ANAPC5: variants seen among roughly 807,000 people sequenced by gnomAD.
ANAPC5 encodes the protein anaphase-promoting complex subunit 5.
ANAPC5 carries 60 observed loss-of-function variants against 91.3 expected under a neutral mutation model. The ratio of observed to expected loss-of-function variants is 0.66; its 90% CI spans 0.53 to 0.81. The LOEUF is 0.81. Ranked by LOEUF, ANAPC5 falls within the 40% of genes least tolerant of loss-of-function variation. ANAPC5 has a pLI of 0.00. For synonymous variants in ANAPC5, 340 were observed against 364.1 expected (o/e 0.93, Z 0.75); for missense variants, 690 against 931.5 (o/e 0.74, Z 3.37).
At chr12:121,328,620 G>C in intron 9 of ANAPC5, 123 bp from the exon 10 acceptor site, 2 of 905,130 alleles carry the variant, frequency 2.2e-6, no homozygotes, top group Non-Finnish European at 3.4e-6. Context: ...TATTTAAAAG[G>C]AAAGTACCTA....
intron 15 of ANAPC5, among the ~76,000 whole-genome samples, chr12:121,315,738 C>T (rs1555271266): frequency 6.6e-6 from 1 of 152,020 alleles, no homozygotes; most frequent in Non-Finnish European, 1.5e-5. Context: ...CTAGAATAAC[C>T]TATATCCGTA....
In ANAPC5 at chr12:121,347,092, G is replaced by A. The variant is rs1903697215; in HGVS notation, c.288-87C>T. On this transcript the variant is annotated intron_variant, in intron 2 of 16. Coordinates refer to ENST00000261819, the MANE Select transcript of ANAPC5 (RefSeq NM_016237.5). The stretch of plus-strand genomic sequence containing the variant: ...ATATTCCTCAATTACCTCAAATAAT[G>A]TATTTTACAGGCAATTCAGAGATTT... The A allele has an allele frequency of 5.5e-6, 4 of 723,442 alleles. No homozygotes were observed. The South Asian group carries it at 8.7e-5, about 16-fold the overall frequency. 44.8% of individuals were successfully genotyped at this position (723,442 alleles called of 1,614,324 possible).
intron 11 of ANAPC5, among the ~76,000 whole-genome samples, chr12:121,325,585 C>T (rs1481729024): frequency 1.3e-5 from 2 of 151,498 alleles, no homozygotes; most frequent in Admixed American, 6.6e-5. Context: ...AAAATAATTT[C>T]GCCAGGCATG....
intron 4 of ANAPC5, among the ~76,000 whole-genome samples, chr12:121,344,396 C>T (rs1364406136): frequency 2.0e-5 from 3 of 151,962 alleles, no homozygotes; most frequent in East Asian, 1.9e-4. Flanking sequence ...CTGGCCAACA[C>T]AGTGAAACCC....
chr12:121,338,234 T>G (rs1278121807), intron 5 of ANAPC5, among the ~76,000 whole-genome samples: 1 of 151,952 alleles, frequency 6.6e-6, no homozygotes, highest in Non-Finnish European at 1.5e-5. Context: ...TAATAATTTC[T>G]TTAAAAAAAA....
chr12:121,309,027 T>C (rs1417724976), intron 16 of ANAPC5, among the ~76,000 whole-genome samples: 1 of 150,718 alleles, frequency 6.6e-6, no homozygotes, highest in Non-Finnish European at 1.5e-5. Flanking sequence ...CAGGCACCTG[T>C]AATCCCAGCT....
chr12:121,347,804 G>C lies in ANAPC5; in HGVS notation c.285C>G (p.Ile95Met). The C allele has an allele frequency of 6.2e-7, 1 of 1,609,084 alleles. No homozygotes were observed. The highest frequency in any genetic ancestry group is 8.5e-7 in the Non-Finnish European group (1 of 1,175,576). The change falls in exon 2 of 17, where the codon ATC becomes ATG. Residue 95 changes from isoleucine (I) to methionine (M), a missense_variant and splice_region_variant. Coordinates refer to ENST00000261819, the MANE Select transcript of ANAPC5 (RefSeq NM_016237.5). The part of the protein sequence containing the change: ...SCPQLANSVQ[I>M]RIKLMAEGEL... ...ATAAAGAAGAAAATGAAGTTTACCT[G>C]ATCTGCACTGAATTTGCCAGCTGTG...
chr12:121,345,269 T>A (rs1410117416), intron 4 of ANAPC5, among the ~76,000 whole-genome samples: 1 of 152,086 alleles, frequency 6.6e-6, no homozygotes, highest in East Asian at 1.9e-4. Context: ...TTCAATAAAT[T>A]TTCACTGAAT....
chr12:121,351,311 T>G (rs950349646), intron 1 of ANAPC5: 3 of 306,700 alleles, frequency 9.8e-6, no homozygotes, highest in Non-Finnish European at 1.9e-5. Context: ...AGGTCGAGGC[T>G]GCAGTGAGCC....
At chr12:121,350,059 T>A (rs1903824269) in intron 1 of ANAPC5, among the ~76,000 whole-genome samples, 1 of 152,048 alleles carries the variant, frequency 6.6e-6, no homozygotes, top group Non-Finnish European at 1.5e-5. Context: ...GGGAAATGCA[T>A]TTATAGTAAT....
chr12:121,317,138 A>G (rs1902398102), intron 15 of ANAPC5, among the ~76,000 whole-genome samples: 1 of 152,182 alleles, frequency 6.6e-6, no homozygotes, highest in African/African-American at 2.4e-5. Context: ...TTTCTATGTA[A>G]TGAAAATACT....
chr12:121,320,778 T>TA, intron 11 of ANAPC5: 1 of 184,476 alleles, frequency 5.4e-6, no homozygotes, highest in Non-Finnish European at 1.1e-5. Flanking sequence ...AATTTTTTTG[T>TA]ATTTTTAGTA....
At position 121,328,400 on chromosome 12, in the gene ANAPC5, AG is replaced by A; in HGVS notation, c.1219del (p.Leu407SerfsTer40). On this transcript the variant is annotated frameshift_variant, in exon 10 of 17. Coordinates refer to ENST00000261819, the MANE Select transcript of ANAPC5 (RefSeq NM_016237.5). LOFTEE classifies it high-confidence loss of function. The part of the protein sequence containing the change: ...KLMDALKDSD[L>X]LHWKHSLSEL... ...TGACAGGCTGTGTTTCCAGTGCAGG[AG>A]GTCGGAGTCCTTTAGGGCATCCATC... 6.2e-7 allele frequency: 1 copy of A among 1,613,922 alleles called. No individual in the cohort carries two copies. Among genetic ancestry groups the A allele is most frequent in the Non-Finnish European group, 8.5e-7 (1 of 1,179,986 alleles).
intron 15 of ANAPC5, chr12:121,318,054 A>T: frequency 2.6e-6 from 1 of 390,754 alleles, no homozygotes; most frequent in Non-Finnish European, 4.5e-6. Flanking sequence ...CTCCTTACTG[A>T]ATACACAGCT....
chr12:121,352,695 T>A (rs1903952226), upstream of ANAPC5, among the ~76,000 whole-genome samples: 1 of 135,006 alleles, frequency 7.4e-6, no homozygotes, highest in East Asian at 2.3e-4. Context: ...CCAAAGTGGT[T>A]TTTTTGTTGT....
intron 8 of ANAPC5, 102 bp from the exon 9 acceptor site, chr12:121,330,774 T>C (rs1555272817): frequency 2.3e-6 from 2 of 881,726 alleles, no homozygotes; most frequent in African/African-American, 1.7e-5. Context: ...AGGGACAAAA[T>C]GAATCCTCTC....
chr12:121,315,902 CATG>C (rs1902339150), intron 15 of ANAPC5, among the ~76,000 whole-genome samples: 1 of 152,034 alleles, frequency 6.6e-6, no homozygotes, highest in African/African-American at 2.4e-5. Context: ...GTATCTTAGA[CATG>C]ATACTAAAAG....
intron 12 of ANAPC5, 53 bp from the exon 13 acceptor site, chr12:121,319,871 A>C: frequency 6.5e-7 from 1 of 1,529,746 alleles, no homozygotes; most frequent in Non-Finnish European, 8.8e-7. Flanking sequence ...GTTCATCTTA[A>C]TGAGTATATG....
chr12:121,343,389 T>C (rs148884719), intron 4 of ANAPC5, among the ~76,000 whole-genome samples: 1,570 of 152,310 alleles, frequency 0.01, 23 homozygotes, highest in South Asian at 0.035. Flanking sequence ...AATTTATCAT[T>C]TAATTCTGAC....
Sources: gnomAD v4.1 joint callset for allele counts (sites outside exome capture counted in the v4.1 genomes callset) on GRCh38, gnomAD v4.1.1 for gene constraint, MANE v1.5 for transcripts, NCBI Gene and HGNC (gene_info 2026-07-23, HGNC 2026-07-21) for gene names.